The following MAPK4 variants were observed in gnomAD, a reference collection of about 807,000 sequenced individuals.
The protein encoded by MAPK4 is Erk3-related.
MAPK4 carries 22 observed loss-of-function variants against 47.7 expected under a neutral mutation model. The ratio of observed to expected loss-of-function variants is 0.46; its 90% CI spans 0.33 to 0.66. The LOEUF is 0.66. Ranked by LOEUF, MAPK4 falls within the 30% of genes least tolerant of loss-of-function variation. The pLI is 0.02. For synonymous variants in MAPK4, 390 were observed against 365.7 expected (o/e 1.07, Z -0.76); for missense variants, 736 against 831.7 (o/e 0.88, Z 1.42).
At chr18:50,727,805 C>G (rs1807382) in intron 5 of MAPK4, among the ~76,000 whole-genome samples, 26,798 of 152,170 alleles carry the variant, frequency 0.18, 2,520 homozygotes, top group East Asian at 0.27. Context: ...TGGGCAAGCT[C>G]CTTACCCTCT....
intron 1 of MAPK4, among the ~76,000 whole-genome samples, chr18:50,590,002 C>G (rs1198661625): frequency 6.6e-6 from 1 of 152,226 alleles, no homozygotes; most frequent in Non-Finnish European, 1.5e-5. Flanking sequence ...TAAGATAACA[C>G]TGCATAAGAT....
intron 2 of MAPK4, among the ~76,000 whole-genome samples, chr18:50,680,840 C>T (rs943317141): frequency 2.0e-5 from 3 of 152,176 alleles, no homozygotes; most frequent in Non-Finnish European, 2.9e-5. Context: ...AGCTGATGGA[C>T]ATTTGGGTTG....
At chr18:50,703,395 C>A (rs903726843) in intron 2 of MAPK4, among the ~76,000 whole-genome samples, 1 of 152,210 alleles carries the variant, frequency 6.6e-6, no homozygotes, top group Non-Finnish European at 1.5e-5. Flanking sequence ...TTTCTAATGG[C>A]TTTTATAACA....
chr18:50,648,574 T>C (rs1234954558), intron 1 of MAPK4, among the ~76,000 whole-genome samples: 1 of 152,148 alleles, frequency 6.6e-6, no homozygotes, highest in Admixed American at 6.5e-5. Context: ...AACATATTCA[T>C]TGAGGGATGC....
chr18:50,696,940 G>A (rs1182951201), intron 2 of MAPK4, among the ~76,000 whole-genome samples: 1 of 152,092 alleles, frequency 6.6e-6, no homozygotes, highest in Non-Finnish European at 1.5e-5. Context: ...AAAGAGGCAG[G>A]AGGGAAGGCG....
chr18:50,630,723 C>T (rs552806993), intron 1 of MAPK4, among the ~76,000 whole-genome samples: 1 of 152,350 alleles, frequency 6.6e-6, no homozygotes, highest in East Asian at 1.9e-4. Flanking sequence ...ATTAGCTCCT[C>T]ATCCTAATAT....
At chr18:50,588,075 C>T (rs530172335) in intron 1 of MAPK4, among the ~76,000 whole-genome samples, 4 of 151,816 alleles carry the variant, frequency 2.6e-5, no homozygotes, top group African/African-American at 4.8e-5. Flanking sequence ...TCTTTTTTGT[C>T]GTGGTAGAAC....
At chr18:50,616,526 C>T (rs2042686103) in intron 1 of MAPK4, among the ~76,000 whole-genome samples, 1 of 152,160 alleles carries the variant, frequency 6.6e-6, no homozygotes. Flanking sequence ...AGTATTGACT[C>T]ACACGATCAC....
chr18:50,672,949 G>T (rs976045503), intron 2 of MAPK4, among the ~76,000 whole-genome samples: 11 of 152,186 alleles, frequency 7.2e-5, no homozygotes, highest in Admixed American at 7.2e-4. Context: ...GTGCCTGTGG[G>T]TCTGGCTGTC....
chr18:50,631,096 G>A (rs762354169), intron 1 of MAPK4, among the ~76,000 whole-genome samples: 8 of 152,186 alleles, frequency 5.3e-5, no homozygotes, highest in South Asian at 2.1e-4. Context: ...GCACATTCCC[G>A]GCCGAGGTCA....
intron 2 of MAPK4, among the ~76,000 whole-genome samples, chr18:50,690,731 T>G (rs1333287477): frequency 6.6e-6 from 1 of 151,948 alleles, no homozygotes; most frequent in Admixed American, 6.6e-5. Context: ...GGAATGGAGG[T>G]GGGGAGTAGC....
intron 1 of MAPK4, among the ~76,000 whole-genome samples, chr18:50,601,265 T>C (rs2017592): frequency 1 from 148,541 of 149,064 alleles, 74,011 homozygotes; most frequent in East Asian, 1. Context: ...GCCTGGGAGG[T>C]GGAGGTTGCA....
rs967927607 is a variant in MAPK4 at position 50,698,380 on chromosome 18, A to G, written c.547-16699A>G. Among the ~76,000 whole-genome samples the G allele has an allele frequency of 7.2e-5, 11 of 152,374 alleles. 1 individual carries two copies. In the East Asian group the frequency reaches 2.1e-3, roughly 29 times the overall value. On this transcript the variant is annotated intron_variant, in intron 2 of 5. Transcript: ENST00000400384. ...ATATTTATCAAACATATCTAAGTAT[A>G]TAAAATAAATATGTCCTTGTATTTT...
chr18:50,655,271 G>T (rs2043096554), intron 1 of MAPK4, among the ~76,000 whole-genome samples: 2 of 152,254 alleles, frequency 1.3e-5, no homozygotes, highest in South Asian at 4.2e-4. Context: ...CCTGTCAGTG[G>T]TTCCTCTGCT....
Position 50,729,176 on chromosome 18 carries a change from G to A in MAPK4, c.1086G>A (p.Ser362=). ...TCSSRYPVSL[S]SDLEWRPDRC... ...CTTGCAGGTACCCTGTGAGCCTGTC[G>A]TCGGACCTGGAGTGGCGGCCTGACC... is the stretch of plus-strand genomic sequence containing the variant. The change falls in exon 6 of 6, where the codon TCG becomes TCA. Residue 362 remains serine (S), a synonymous_variant. Coordinates refer to ENST00000400384, the MANE Select transcript of MAPK4 (RefSeq NM_002747.4). The A allele has an allele frequency of 1.3e-6, 2 of 1,583,286 alleles. No homozygotes were observed. The highest frequency in any genetic ancestry group is 1.7e-6 in the Non-Finnish European group (2 of 1,157,088).
At chr18:50,667,507 AGTG>A (rs1225565519) in intron 2 of MAPK4, among the ~76,000 whole-genome samples, 1 of 152,108 alleles carries the variant, frequency 6.6e-6, no homozygotes, top group African/African-American at 2.4e-5. Flanking sequence ...TGCTCTCTCC[AGTG>A]TGCTTGGAGG....
chr18:50,634,542 C>G (rs2042864354), intron 1 of MAPK4, among the ~76,000 whole-genome samples: 1 of 152,100 alleles, frequency 6.6e-6, no homozygotes, highest in Non-Finnish European at 1.5e-5. Context: ...TCATATTTGA[C>G]TTACATCAGT....
intron 2 of MAPK4, among the ~76,000 whole-genome samples, chr18:50,697,493 G>A (rs1397401719): frequency 6.6e-6 from 1 of 152,192 alleles, no homozygotes; most frequent in African/African-American, 2.4e-5. Context: ...CAGGCATACC[G>A]TAAGTGCTTT....
intron 2 of MAPK4, among the ~76,000 whole-genome samples, chr18:50,673,910 A>G (rs918922661): frequency 6.6e-6 from 1 of 152,160 alleles, no homozygotes; most frequent in African/African-American, 2.4e-5. Context: ...CAAAAATGTC[A>G]TTGCCTTATT....
Sources: gnomAD v4.1 joint callset for allele counts (sites outside exome capture counted in the v4.1 genomes callset) on GRCh38, gnomAD v4.1.1 for gene constraint, MANE v1.5 for transcripts, NCBI Gene and HGNC (gene_info 2026-07-23, HGNC 2026-07-21) for gene names.